SLIT1: variants seen among roughly 807,000 people sequenced by gnomAD.
SLIT1 encodes slit homolog 1 protein.
A neutral mutation model predicts 186.1 loss-of-function variants in SLIT1; 66 were observed. The ratio of observed to expected loss-of-function variants is 0.35; its 90% CI spans 0.29 to 0.44. The LOEUF (loss-of-function observed/expected upper bound fraction) is 0.44, where lower values mean the gene tolerates loss of function less well. Ranked by LOEUF, SLIT1 falls within the 20% of genes least tolerant of loss-of-function variation. The probability of loss-of-function intolerance (pLI) is 1.00; values close to 1 mark genes in which losing one functional copy is unlikely to be tolerated. For missense variants in SLIT1, 1,638 were observed against 2,037.4 expected (o/e 0.80, Z 3.77); for synonymous variants, 761 against 833.8 (o/e 0.91, Z 1.50).
At chr10:97,117,323 G>A (rs1046474741) in intron 4 of SLIT1, among the ~76,000 whole-genome samples, 8 of 152,038 alleles carry the variant, frequency 5.3e-5, no homozygotes, top group Non-Finnish European at 1.0e-4. Context: ...TAAGAACAAC[G>A]TCTATTAAAT....
Position 97,043,238 on chromosome 10 carries a change from T to A in SLIT1, c.1997+132A>T. ...TGAGGACCGGAGGGAGACTTCGAAA[T>A]GTGGAACCCACGTTTCAGCAAACCA... is the stretch of plus-strand genomic sequence containing the variant. On this transcript the variant is annotated intron_variant, in intron 19 of 36. Coordinates refer to ENST00000266058, the MANE Select transcript of SLIT1 (RefSeq NM_003061.3). The surrounding 1 kb of genome is among the most constrained non-coding windows in gnomAD (Gnocchi z 7.0). 3.0e-6 allele frequency: 4 copies of A among 1,348,122 alleles called. No homozygotes were observed. Among genetic ancestry groups the A allele is most frequent in the Non-Finnish European group, 4.1e-6 (4 of 964,894 alleles). The allele number at this position is 1,348,122 out of a possible 1,614,324, so 83.5% of individuals were successfully genotyped here. A position where few individuals can be genotyped will look rare whatever the true frequency, so the allele number is the denominator to read the frequency against.
intron 1 of SLIT1, among the ~76,000 whole-genome samples, chr10:97,178,437 A>C (rs2134744890): frequency 6.6e-6 from 1 of 152,332 alleles, no homozygotes; most frequent in Middle Eastern, 3.4e-3. Context: ...TACATCAATA[A>C]TGTCCAGGTC....
chr10:97,047,090 C>T, intron 16 of SLIT1, 25 bp from the exon 17 acceptor site: 3 of 1,461,188 alleles, frequency 2.1e-6, no homozygotes, highest in Non-Finnish European at 9.6e-7. Flanking sequence ...AATGAACTTG[C>T]ACATTCACAA....
chr10:97,031,622 G>A lies in SLIT1; in HGVS notation c.2494C>T (p.Arg832Cys), dbSNP rs144801187. Reference sequence around the variant, plus strand: ...GAGACTTACAGCAGGCGCAGGGAGCGGAGTCCCTGGAAGGCCAAAGGCGGG... The same window carrying A: ...GAGACTTACAGCAGGCGCAGGGAGCAGAGTCCCTGGAAGGCCAAAGGCGGG... ...CIPPLAFQGL[R>C]SLRLLSLHGN... is the part of the protein sequence containing the mutation. Residue 832 changes from arginine to cysteine, a missense_variant, in exon 24 of 37, where the codon CGC becomes TGC. This residue lies in a region of SLIT1 where 1,245 missense variants were observed against 1,535.3 expected (regional missense o/e 0.81). Coordinates refer to ENST00000266058, the MANE Select transcript of SLIT1 (RefSeq NM_003061.3). 2.3e-5 allele frequency: 35 copies of A among 1,551,612 alleles called. No homozygotes were observed. The highest frequency in any genetic ancestry group is 1.7e-4 in the Middle Eastern group (1 of 5,976).
chr10:97,008,879 TTTATTA>T (rs1213121809), intron 31 of SLIT1, among the ~76,000 whole-genome samples: 3 of 151,188 alleles, frequency 2.0e-5, no homozygotes, highest in Non-Finnish European at 2.9e-5. Context: ...TATTTATTTA[TTTATTA>T]TTATTATTTT....
intron 4 of SLIT1, among the ~76,000 whole-genome samples, chr10:97,143,044 T>A (rs777463970): frequency 3.3e-5 from 5 of 152,130 alleles, no homozygotes; most frequent in African/African-American, 1.2e-4. Context: ...GAATGTGAAA[T>A]GGTACAGCTG....
At chr10:97,059,289 A>G (rs1270471325) in intron 11 of SLIT1, among the ~76,000 whole-genome samples, 171 bp downstream of exon 11, 1 of 152,234 alleles carries the variant, frequency 6.6e-6, no homozygotes, top group East Asian at 1.9e-4. Context: ...GAGCTGGAAC[A>G]GCAAACCCTT....
rs1456306036 is a variant in SLIT1, at chr10:97,067,221, G to A, written c.414-1135C>T. ...CTCCCCATGAACGCCCTGCTGCGAG[G>A]GGAGGGGGCGCTGTCAGGACTGCAA... On this transcript the variant is annotated intron_variant, in intron 4 of 36. Transcript: ENST00000266058. 3.3e-5 allele frequency among the ~76,000 whole-genome samples: 5 copies of A among 152,178 alleles called. No individual in the cohort carries two copies. The East Asian group carries it at 9.6e-4, about 29-fold the overall frequency.
chr10:97,010,170 C>T lies in SLIT1; in HGVS notation c.3341+823G>A, dbSNP rs1197638503. Among the ~76,000 whole-genome samples the T allele has an allele frequency of 2.6e-5, 4 of 152,210 alleles. No homozygotes were observed. The highest frequency in any genetic ancestry group is 6.5e-5 in the Admixed American group (1 of 15,292). ...TGGCAACAACCTAAATGCCTATCAA[C>T]TGATGAGTGGGTAAACAAAATGTGG... On this transcript the variant is annotated intron_variant, in intron 31 of 36. Transcript: ENST00000266058. This position sits in a 1 kb window ranked among gnomAD's most constrained non-coding sequence, Gnocchi z 4.8.
At chr10:97,157,182 G>A (rs1341804970) in intron 4 of SLIT1, among the ~76,000 whole-genome samples, 2 of 152,182 alleles carry the variant, frequency 1.3e-5, no homozygotes, top group Non-Finnish European at 2.9e-5. Flanking sequence ...AGGAGCTGCA[G>A]AAGAGATTCC....
chr10:97,001,039 G>A lies in SLIT1; in HGVS notation c.*73C>T. 1 of 1,265,594 alleles carries A rather than the reference G, an allele frequency of 7.9e-7. No individual in the cohort carries two copies. The highest frequency in any genetic ancestry group is 1.8e-5 in the Admixed American group (1 of 54,532). 78.4% of individuals were successfully genotyped at this position (1,265,594 alleles called of 1,614,324 possible). On this transcript the variant is annotated 3_prime_UTR_variant, in exon 37 of 37. Coordinates refer to ENST00000266058, the MANE Select transcript of SLIT1 (RefSeq NM_003061.3). ...TGATGACCTGCACCCCAGCCCAGCT[G>A]CTGGCGACTGTCTCCGCTGCTGCAG...
chr10:97,062,566 C>T (rs943373828), intron 8 of SLIT1, among the ~76,000 whole-genome samples: 1 of 152,258 alleles, frequency 6.6e-6, no homozygotes, highest in African/African-American at 2.4e-5. Flanking sequence ...AGAAGGCTCC[C>T]TGGGCCCTGC....
Position 97,057,284 on chromosome 10 carries a change from G to A in SLIT1, c.1086-3C>T, listed in dbSNP as rs774317014. 3 of 1,613,542 alleles carry A rather than the reference G, an allele frequency of 1.9e-6. No individual in the cohort carries two copies. The highest frequency in any genetic ancestry group is 2.2e-5 in the South Asian group (2 of 91,050). On this transcript the variant is annotated splice_polypyrimidine_tract_variant and splice_region_variant and intron_variant, in intron 11 of 36. Coordinates refer to ENST00000266058, the MANE Select transcript of SLIT1 (RefSeq NM_003061.3). ...TGATCTTGTTTCCATAGAGGACCCT[G>A]GAGAAAAGGCAGCAGAGAGGAGGGT...
At chr10:97,165,031 G>C in intron 1 of SLIT1, 141 bp from the exon 2 acceptor site, 1 of 666,138 alleles carries the variant, frequency 1.5e-6, no homozygotes, top group South Asian at 1.6e-5. Flanking sequence ...AGTTGAGTCT[G>C]TGTCAAGACC....
intron 17 of SLIT1, 91 bp from the exon 18 acceptor site, chr10:97,046,888 A>G (rs1001468250): frequency 6.4e-7 from 1 of 1,574,508 alleles, no homozygotes; most frequent in African/African-American, 1.3e-5. Context: ...CCACACACAG[A>G]GTCCTGGCCC....
At chr10:97,089,138 G>C (rs1443665241) in intron 4 of SLIT1, among the ~76,000 whole-genome samples, 1 of 152,216 alleles carries the variant, frequency 6.6e-6, no homozygotes, top group African/African-American at 2.4e-5. Context: ...AAAGGCAAGG[G>C]AATCTGAGAC....
At chr10:97,130,596 G>T (rs1849643843) in intron 4 of SLIT1, among the ~76,000 whole-genome samples, 1 of 152,178 alleles carries the variant, frequency 6.6e-6, no homozygotes. Flanking sequence ...ATTGCCAGGG[G>T]CTGGACTCTG....
At chr10:97,095,521 C>A (rs1352109639) in intron 4 of SLIT1, among the ~76,000 whole-genome samples, 1 of 152,002 alleles carries the variant, frequency 6.6e-6, no homozygotes, top group Non-Finnish European at 1.5e-5. Context: ...CTAGCATGTC[C>A]CAAATGAAAA....
chr10:97,163,318 C>A, intron 3 of SLIT1, 62 bp downstream of exon 3: 1 of 1,427,660 alleles, frequency 7.0e-7, no homozygotes, highest in Non-Finnish European at 9.9e-7. Flanking sequence ...AGCAGCTTGG[C>A]CTGCCAGTTC....
Sources: allele counts gnomAD v4.1 joint callset (sites outside exome capture counted in the v4.1 genomes callset), GRCh38; gene constraint gnomAD v4.1.1; regional missense constraint gnomAD v4.1.1; non-coding constraint Gnocchi (gnomAD v3.1); transcripts MANE v1.5; gene names NCBI Gene and HGNC (gene_info 2026-07-23, HGNC 2026-07-21).